Variants in ARVCF observed in about 807,000 individuals in gnomAD.
The protein encoded by ARVCF is ARVCF delta catenin family member.
Under a neutral mutation model 90.9 loss-of-function variants are expected in ARVCF, and 66 were observed. The observed-to-expected ratio is 0.73, with a 90% CI of 0.60 to 0.89. ARVCF has a LOEUF of 0.89. Ranked by LOEUF, ARVCF falls within the 40% of genes least tolerant of loss-of-function variation. ARVCF has a pLI of 0.00. For missense variants in ARVCF, 1,469 were observed against 1,382.3 expected (o/e 1.06, Z -1.00); for synonymous variants, 653 against 603.4 (o/e 1.08, Z -1.21).
chr22:19,970,660 G>C lies in ARVCF; in HGVS notation c.*96C>G, dbSNP rs1229830210. 1.6e-6 allele frequency: 2 copies of C among 1,285,992 alleles called. No homozygotes were observed. The allele number at this position is 1,285,992 out of a possible 1,614,324, so 79.7% of individuals were successfully genotyped here. On this transcript the variant is annotated 3_prime_UTR_variant, in exon 20 of 20. Coordinates refer to ENST00000263207, the MANE Select transcript of ARVCF (RefSeq NM_001670.3). Reference sequence around the variant, plus strand: ...CGCTGCCAACCCCTGCCGCCAGGGGGCTCCAAGCTCCACGGCACGATCTGC... The same window carrying C: ...CGCTGCCAACCCCTGCCGCCAGGGGCCTCCAAGCTCCACGGCACGATCTGC...
At chr22:19,987,202 C>G (rs896638657) in intron 3 of ARVCF, 1 of 392,228 alleles carries the variant, frequency 2.5e-6, no homozygotes, top group Admixed American at 4.5e-5. Flanking sequence ...GACTCGCTCC[C>G]CGCGGGGGCG....
intron 2 of ARVCF, among the ~76,000 whole-genome samples, chr22:20,005,579 G>A (rs1293006998): frequency 6.6e-6 from 1 of 152,152 alleles, no homozygotes; most frequent in Non-Finnish European, 1.5e-5. Flanking sequence ...CAACACTTTG[G>A]GAGGCCGAGG....
rs1942654157 is a variant in ARVCF at position 19,969,951 on chromosome 22, T to C, written c.*805A>G. Reference sequence around the variant, plus strand: ...TTACAAAAATTTAGGTGTTTACCAATAGTCTTATTTTGGCTTATTTTTAAT... The same window carrying C: ...TTACAAAAATTTAGGTGTTTACCAACAGTCTTATTTTGGCTTATTTTTAAT... On this transcript the variant is annotated 3_prime_UTR_variant, in exon 20 of 20. Coordinates refer to ENST00000263207, the MANE Select transcript of ARVCF (RefSeq NM_001670.3). 1.0e-6 allele frequency: 1 copy of C among 985,494 alleles called. No homozygotes were observed. Among genetic ancestry groups the C allele is most frequent in the South Asian group, 4.7e-5 (1 of 21,296 alleles). 61.0% of individuals were successfully genotyped at this position (985,494 alleles called of 1,614,324 possible).
At chr22:20,000,453 AC>A (rs1944405299) in intron 2 of ARVCF, among the ~76,000 whole-genome samples, 1 of 152,174 alleles carries the variant, frequency 6.6e-6, no homozygotes, top group African/African-American at 2.4e-5. Context: ...AGGGGGCTGC[AC>A]CACCCCATCC....
chr22:19,971,248 G>C lies in ARVCF; in HGVS notation c.2869C>G (p.Pro957Ala). ...VDAVGDAKPQ[P>A]VDSWV ...GCAAGCTAGACCCAGGAATCAACGG[G>C]CTGAGGCTTAGCGTCCCCTACGGCG... Residue 957 changes from proline to alanine, a missense_variant, in exon 19 of 20, where the codon CCC (proline) becomes GCC (alanine). Pro to Ala is a conservative substitution (Grantham distance 27). Coordinates refer to ENST00000263207, the MANE Select transcript of ARVCF (RefSeq NM_001670.3). 1 of 1,555,532 alleles carries C rather than the reference G, an allele frequency of 6.4e-7. No individual in the cohort carries two copies. The highest frequency in any genetic ancestry group is 1.2e-5 in the South Asian group (1 of 84,400).
chr22:19,982,782 C>T (rs905264920), intron 3 of ARVCF, among the ~76,000 whole-genome samples: 11 of 152,232 alleles, frequency 7.2e-5, no homozygotes, highest in East Asian at 1.9e-4. Context: ...CAGGTTTGCC[C>T]TACCTCGGGC....
chr22:19,981,095 A>T, intron 5 of ARVCF, 116 bp downstream of exon 5: 1 of 1,329,740 alleles, frequency 7.5e-7, no homozygotes, highest in Non-Finnish European at 1.0e-6. Flanking sequence ...GCCAATTCAA[A>T]CTAACATGCA....
chr22:19,990,839 T>C (rs1164568947), intron 2 of ARVCF, 27 bp from the exon 3 acceptor site: 3 of 1,535,408 alleles, frequency 2.0e-6, no homozygotes, highest in Admixed American at 3.9e-5. Context: ...GTAAGCTCAG[T>C]GGGGTGGGGC....
chr22:19,972,714 G>A (rs776204587), intron 16 of ARVCF, 23 bp downstream of exon 16: 1 of 1,587,176 alleles, frequency 6.3e-7, no homozygotes, highest in Non-Finnish European at 8.6e-7. Context: ...CACCCTCTAG[G>A]CTCCCTAAGC....
Position 19,970,401 on chromosome 22 carries a change from AG to A in ARVCF, c.*354del. 2 of 1,047,740 alleles carry A rather than the reference AG, an allele frequency of 1.9e-6. No individual in the cohort carries two copies. Among genetic ancestry groups the A allele is most frequent in the Admixed American group, 5.1e-5 (1 of 19,616 alleles). The allele number at this position is 1,047,740 out of a possible 1,614,324, so 64.9% of individuals were successfully genotyped here. ...CGCACCACTGGGGCACTGTGTTCCCAGGGGCACCCTCCTATCCCACCAGCCC... is the reference window on the plus strand; with the variant it reads ...CGCACCACTGGGGCACTGTGTTCCCAGGGCACCCTCCTATCCCACCAGCCC... On this transcript the variant is annotated 3_prime_UTR_variant, in exon 20 of 20. Transcript: ENST00000263207.
intron 1 of ARVCF, among the ~76,000 whole-genome samples, chr22:20,013,502 G>A (rs561624776): frequency 5.3e-5 from 8 of 152,320 alleles, no homozygotes; most frequent in East Asian, 3.9e-4. Context: ...GCCGAGCTCC[G>A]GTCATCCAAG....
At position 19,973,025 on chromosome 22, in the gene ARVCF, C is replaced by G. The variant is rs116731572; in HGVS notation, c.2450G>C (p.Arg817Pro). The change falls in exon 15 of 20, where the codon CGC (arginine) becomes CCC (proline). Residue 817 changes from arginine (R) to proline (P), a missense_variant. By Grantham distance (103) the Arg-to-Pro change is moderately radical. Coordinates refer to ENST00000263207, the MANE Select transcript of ARVCF (RefSeq NM_001670.3). ...CACGTGTGACGCCGCCTTCGCTTCG[C>G]GTACCGATTGGCTGTGGGGCCGGGG... ...VALVASSQSVREAKAASHVLQ... is the reference protein window; with the variant it reads ...VALVASSQSVPEAKAASHVLQ... The G allele has an allele frequency of 2.1e-4, 338 of 1,613,180 alleles. No homozygotes were observed. The East Asian group carries it at 7.0e-3, about 33-fold the overall frequency.
Position 19,990,821 on chromosome 22 carries a change from A to G in ARVCF, c.-18-9T>C. ...ACCAGAGCGCCCGCCAGCTGCAGGCAAAGCAGAGTAAGCTCAGTGGGGTGG... is the reference window on the plus strand; with the variant it reads ...ACCAGAGCGCCCGCCAGCTGCAGGCGAAGCAGAGTAAGCTCAGTGGGGTGG... On this transcript the variant is annotated splice_polypyrimidine_tract_variant and intron_variant, in intron 2 of 19. Transcript: ENST00000263207. The G allele has an allele frequency of 6.5e-7, 1 of 1,542,852 alleles. No homozygotes were observed. The highest frequency in any genetic ancestry group is 8.8e-7 in the Non-Finnish European group (1 of 1,141,632).
At position 19,972,976 on chromosome 22, in the gene ARVCF, C is replaced by T. The variant is rs114971216; in HGVS notation, c.2499G>A (p.Lys833=). ...CTTTCTGCAAGGTACCACGCAGCTCCTTGTAGCTCCACACTGTCTGCAGCA... is the reference window on the plus strand; with the variant it reads ...CTTTCTGCAAGGTACCACGCAGCTCTTTGTAGCTCCACACTGTCTGCAGCA... ...SHVLQTVWSY[K]ELRGTLQKDG... is the part of the protein sequence containing the mutation. The change falls in exon 15 of 20, where the codon AAG becomes AAA. Residue 833 remains lysine (K), a synonymous_variant. Coordinates refer to ENST00000263207, the MANE Select transcript of ARVCF (RefSeq NM_001670.3). 3.7e-3 allele frequency: 5,950 copies of T among 1,613,774 alleles called. 29 individuals are homozygous for T. The highest frequency in any genetic ancestry group is 0.021 in the African/African-American group (1,548 of 75,060).
chr22:19,993,937 G>A (rs1944125436), intron 2 of ARVCF, among the ~76,000 whole-genome samples: 2 of 152,224 alleles, frequency 1.3e-5, no homozygotes, highest in Admixed American at 6.5e-5. Context: ...GGACCAGGAC[G>A]TGAGCCTCCA....
downstream of ARVCF, chr22:19,967,541 C>A: frequency 2.6e-6 from 1 of 383,238 alleles, no homozygotes; most frequent in Non-Finnish European, 5.2e-6. Flanking sequence ...GCTTTCTCTG[C>A]AGCATACAGG....
intron 1 of ARVCF, among the ~76,000 whole-genome samples, chr22:20,011,170 G>A (rs1047647407): frequency 6.6e-6 from 1 of 152,356 alleles, no homozygotes; most frequent in African/African-American, 2.4e-5. Flanking sequence ...GGGGGTGCCT[G>A]TACTCACACA....
At chr22:19,986,266 C>T (rs950156872) in intron 3 of ARVCF, among the ~76,000 whole-genome samples, 13 of 152,216 alleles carry the variant, frequency 8.5e-5, no homozygotes, top group Admixed American at 3.9e-4. Context: ...ACACCAGGGC[C>T]GTAGGACAGG....
At chr22:19,968,583 G>A (rs899829083), downstream of ARVCF, 1 of 1,614,096 alleles carries the variant, frequency 6.2e-7, no homozygotes, top group Non-Finnish European at 8.5e-7. Context: ...CTGACAACGT[G>A]ATCTGCCCAG....
Sources: gnomAD v4.1 joint callset for allele counts (sites outside exome capture counted in the v4.1 genomes callset) on GRCh38, gnomAD v4.1.1 for gene constraint, MANE v1.5 for transcripts, NCBI Gene and HGNC (gene_info 2026-07-23, HGNC 2026-07-21) for gene names.